The following GFPT1 variants were observed in gnomAD, a reference collection of about 807,000 sequenced individuals.
GFPT1 encodes glutamine--fructose-6-phosphate aminotransferase [isomerizing] 1.
A neutral mutation model predicts 92.0 loss-of-function variants in GFPT1; 40 were observed. The observed-to-expected ratio is 0.43, with a 90% CI of 0.34 to 0.57. The LOEUF (loss-of-function observed/expected upper bound fraction) is 0.57, where lower values mean the gene tolerates loss of function less well. GFPT1 is among the 20% of genes least tolerant of loss of function. The pLI is 0.02. For missense variants in GFPT1, 448 were observed against 869.1 expected (o/e 0.52, Z 6.09); for synonymous variants, 269 against 280.6 (o/e 0.96, Z 0.41).
chr2:69,341,343 T>TA (rs1212194625), intron 13 of GFPT1, among the ~76,000 whole-genome samples: 1 of 151,790 alleles, frequency 6.6e-6, no homozygotes, highest in African/African-American at 2.4e-5. Context: ...GGGGAGGAGG[T>TA]ATTTGGTGTA....
rs371761341 is a variant in GFPT1, at chr2:69,327,051, T to A, written c.1918A>T (p.Lys640Ter). The A allele has an allele frequency of 6.2e-7, 1 of 1,614,116 alleles. No individual in the cohort carries two copies. Among genetic ancestry groups the A allele is most frequent in the Non-Finnish European group, 8.5e-7 (1 of 1,179,996 alleles). ...RQGRPVVICD[K>*]EDTETIKNTK... ...TTCTTAATGGTCTCAGTATCCTCCT[T>A]ATCACAAATTACCACAGGCCGCCCC... Residue 640 changes from lysine (K) to a stop codon, truncating the protein, a stop_gained, in exon 19 of 20, where the codon AAG becomes TAG. Coordinates refer to ENST00000357308, the MANE Select transcript of GFPT1 (RefSeq NM_001244710.2). LOFTEE classifies it high-confidence loss of function.
chr2:69,327,341 C>G (rs1574039501), intron 18 of GFPT1, among the ~76,000 whole-genome samples: 1 of 152,116 alleles, frequency 6.6e-6, no homozygotes, highest in East Asian at 1.9e-4. Flanking sequence ...CTTCAAAGCT[C>G]AAGTTCATTA....
At chr2:69,338,214 G>A (rs905682422) in intron 14 of GFPT1, among the ~76,000 whole-genome samples, 159 bp from the exon 15 acceptor site, 3 of 152,106 alleles carry the variant, frequency 2.0e-5, no homozygotes, top group Non-Finnish European at 2.9e-5. Flanking sequence ...TAAGTAATAT[G>A]GCTTGTCAGG....
chr2:69,335,434 C>T (rs1209439583), intron 15 of GFPT1, among the ~76,000 whole-genome samples: 1 of 152,192 alleles, frequency 6.6e-6, no homozygotes, highest in Non-Finnish European at 1.5e-5. Flanking sequence ...TGGCAGCTCA[C>T]AATTCCAGAA....
chr2:69,384,693 C>CA lies in GFPT1; in HGVS notation c.7+2371dup, dbSNP rs71964630. Among the ~76,000 whole-genome samples the CA allele has an allele frequency of 4.2e-3, 448 of 106,598 alleles. 4 individuals carry two copies. Among genetic ancestry groups the CA allele is most frequent in the South Asian group, 0.01 (34 of 3,386 alleles). 69.9% of individuals were successfully genotyped at this position (106,598 alleles called of 152,430 possible). On this transcript the variant is annotated intron_variant, in intron 1 of 19. Transcript: ENST00000357308. ...TGGGCGACAGAGAGAGGCCCCGTCA[C>CA]AAAAAAAAAAAAAAAAAAAGAAAAA...
Position 69,326,140 on chromosome 2 carries a change from T to A in GFPT1, c.*49A>T. On this transcript the variant is annotated 3_prime_UTR_variant, in exon 20 of 20. Coordinates refer to ENST00000357308, the MANE Select transcript of GFPT1 (RefSeq NM_001244710.2). ...ATCAAGGTTTTAAATACAAAAGGTG[T>A]CTTGTGTTGCTTAATCATACAGTTT... 1 of 1,217,738 alleles carries A rather than the reference T, an allele frequency of 8.2e-7. No individual in the cohort carries two copies. The highest frequency in any genetic ancestry group is 1.7e-5 in the Admixed American group (1 of 57,556). 75.4% of individuals were successfully genotyped at this position (1,217,738 alleles called of 1,614,324 possible). A position where few individuals can be genotyped will look rare whatever the true frequency, so the allele number is the denominator to read the frequency against.
At chr2:69,375,952 C>T (rs6546510) in intron 1 of GFPT1, among the ~76,000 whole-genome samples, 100,363 of 152,160 alleles carry the variant, frequency 0.66, 34,522 homozygotes, top group African/African-American at 0.87. Flanking sequence ...TAGAGGGCAG[C>T]AGAAGAGTCT....
chr2:69,329,097 T>C lies in GFPT1; in HGVS notation c.1725+200A>G, dbSNP rs533827959. Among the ~76,000 whole-genome samples the C allele has an allele frequency of 2.0e-5, 3 of 152,370 alleles. No homozygotes were observed. The East Asian group carries it at 5.8e-4, about 29-fold the overall frequency. On this transcript the variant is annotated intron_variant, in intron 17 of 19. Coordinates refer to ENST00000357308, the MANE Select transcript of GFPT1 (RefSeq NM_001244710.2). ...TTACTTGCTAAATCCAAGTTTATCA[T>C]GTTAAAATGTACTCTTTTTGATTTT...
intron 1 of GFPT1, among the ~76,000 whole-genome samples, chr2:69,382,381 A>T (rs2104703419): frequency 6.6e-6 from 1 of 152,334 alleles, no homozygotes; most frequent in African/African-American, 2.4e-5. Context: ...CAGGAACCAC[A>T]GCTCTAGAAT....
chr2:69,344,377 TA>T (rs1671032661), intron 12 of GFPT1, among the ~76,000 whole-genome samples: 1 of 152,130 alleles, frequency 6.6e-6, no homozygotes, highest in Admixed American at 6.6e-5. Context: ...CCCAAAGCTC[TA>T]AATTTGATGC....
At chr2:69,344,582 C>CA (rs1671037979) in intron 12 of GFPT1, among the ~76,000 whole-genome samples, 2 of 151,356 alleles carry the variant, frequency 1.3e-5, no homozygotes, top group African/African-American at 4.8e-5. Context: ...ATCCTAACAA[C>CA]AAAAAAGATG....
chr2:69,341,262 A>T (rs939377670), intron 13 of GFPT1, among the ~76,000 whole-genome samples: 17 of 151,956 alleles, frequency 1.1e-4, no homozygotes, highest in African/African-American at 2.2e-4. Context: ...CAAAACAATC[A>T]CTTTTTTAGA....
chr2:69,378,562 A>G (rs140218696), intron 1 of GFPT1, among the ~76,000 whole-genome samples: 1 of 152,372 alleles, frequency 6.6e-6, no homozygotes, highest in African/African-American at 2.4e-5. Flanking sequence ...CTTAAATTCA[A>G]TGACAAAAAA....
At chr2:69,332,200 A>T (rs952480417) in intron 15 of GFPT1, among the ~76,000 whole-genome samples, 2 of 151,984 alleles carry the variant, frequency 1.3e-5, no homozygotes, top group Non-Finnish European at 2.9e-5. Flanking sequence ...ATTTTCATCA[A>T]TTTGTGCTAG....
At chr2:69,385,539 TA>T (rs752302007) in intron 1 of GFPT1, among the ~76,000 whole-genome samples, 2,374 of 106,260 alleles carry the variant, frequency 0.022, 51 homozygotes, top group African/African-American at 0.095. Context: ...TTTATTTATT[TA>T]TTTATTTTTT....
chr2:69,367,522 G>A (rs149006332), intron 3 of GFPT1, among the ~76,000 whole-genome samples: 1,742 of 152,082 alleles, frequency 0.011, 30 homozygotes, highest in African/African-American at 0.04. Flanking sequence ...CGCCACACCC[G>A]GCTAATTTTT....
chr2:69,354,959 G>A (rs939738502), intron 7 of GFPT1, among the ~76,000 whole-genome samples: 5 of 152,152 alleles, frequency 3.3e-5, no homozygotes, highest in African/African-American at 1.2e-4. Context: ...AGCCAAGATC[G>A]CGCCACTGCA....
At chr2:69,381,272 T>C (rs1385595319) in intron 1 of GFPT1, among the ~76,000 whole-genome samples, 1 of 152,100 alleles carries the variant, frequency 6.6e-6, no homozygotes, top group Non-Finnish European at 1.5e-5. Context: ...CGTGAGCCAC[T>C]GCGCCTGGCC....
intron 13 of GFPT1, among the ~76,000 whole-genome samples, chr2:69,341,403 T>C (rs186339477): frequency 2.6e-5 from 4 of 152,330 alleles, no homozygotes; most frequent in South Asian, 2.1e-4. Context: ...GGTGACCAGA[T>C]AGTTTCACTC....
Sources: gnomAD v4.1 joint callset for allele counts (sites outside exome capture counted in the v4.1 genomes callset) on GRCh38, gnomAD v4.1.1 for gene constraint, MANE v1.5 for transcripts, NCBI Gene and HGNC (gene_info 2026-07-23, HGNC 2026-07-21) for gene names.